NAA15: variants seen among roughly 807,000 people sequenced by gnomAD.
NAA15 encodes the protein N-alpha-acetyltransferase 15, NatA auxiliary subunit.
Under a neutral mutation model 114.0 loss-of-function variants are expected in NAA15, and 34 were observed. That is an observed-to-expected ratio of 0.30 (90% CI 0.23 to 0.40). NAA15 has a LOEUF of 0.40. NAA15 is among the 10% of genes least tolerant of loss of function. NAA15 has a pLI of 1.00. For synonymous variants in NAA15, 340 were observed against 338.0 expected, an observed-to-expected ratio of 1.01 and a Z score of -0.06; for missense variants, 658 against 1,004.5, an observed-to-expected ratio of 0.66 and a Z score of 4.66.
At chr4:139,320,650 C>T (rs1379230569) in intron 1 of NAA15, among the ~76,000 whole-genome samples, 2 of 152,078 alleles carry the variant, frequency 1.3e-5, no homozygotes, top group African/African-American at 2.4e-5. Flanking sequence ...CCTCCTGAGC[C>T]GCTGGGACTA....
At chr4:139,330,000 C>T (rs936597971) in intron 1 of NAA15, among the ~76,000 whole-genome samples, 2 of 152,318 alleles carry the variant, frequency 1.3e-5, no homozygotes, top group East Asian at 3.9e-4. Flanking sequence ...CTTGCGCCAC[C>T]TGTTAGCACC....
intron 15 of NAA15, among the ~76,000 whole-genome samples, chr4:139,376,075 C>T (rs1748572873): frequency 6.6e-6 from 1 of 152,150 alleles, no homozygotes; most frequent in African/African-American, 2.4e-5. Context: ...CCTTGGCTAT[C>T]TGACCTGTTT....
At chr4:139,357,186 G>C (rs1234872793) in intron 10 of NAA15, among the ~76,000 whole-genome samples, 200 bp from the exon 11 acceptor site, 8 of 152,302 alleles carry the variant, frequency 5.3e-5, no homozygotes, top group Non-Finnish European at 1.2e-4. Context: ...AAGGGATTGT[G>C]CTAGGGGTTA....
chr4:139,333,726 C>T (rs1747106600), intron 1 of NAA15, among the ~76,000 whole-genome samples: 1 of 151,880 alleles, frequency 6.6e-6, no homozygotes, highest in South Asian at 2.1e-4. Flanking sequence ...ATAGTGAGTC[C>T]CTGTCTCTAC....
In NAA15 at chr4:139,317,420, G is replaced by A. The variant is rs113240475; in HGVS notation, c.54+15589G>A. 2.7e-3 allele frequency among the ~76,000 whole-genome samples: 415 copies of A among 152,062 alleles called. 2 individuals carry two copies. The highest frequency in any genetic ancestry group is 9.5e-3 in the African/African-American group (393 of 41,454). On this transcript the variant is annotated intron_variant, in intron 1 of 19. Transcript: ENST00000296543. ...GGGTAGATCACGAGGTCAAGAGTTCGAGACCAGCCTGGCCAACATGGTGAA... is the reference window on the plus strand; with the variant it reads ...GGGTAGATCACGAGGTCAAGAGTTCAAGACCAGCCTGGCCAACATGGTGAA...
At chr4:139,382,462 A>G (rs1353827593) in intron 17 of NAA15, among the ~76,000 whole-genome samples, 1 of 151,962 alleles carries the variant, frequency 6.6e-6, no homozygotes, top group African/African-American at 2.4e-5. Flanking sequence ...CCCCTTGCCT[A>G]CCCCTCTCTT....
chr4:139,352,294 A>G (rs1380789396), intron 9 of NAA15, among the ~76,000 whole-genome samples: 2 of 152,034 alleles, frequency 1.3e-5, no homozygotes, highest in Admixed American at 6.6e-5. Flanking sequence ...TTTTTAATAG[A>G]GACAGGGTTT....
intron 1 of NAA15, among the ~76,000 whole-genome samples, chr4:139,333,384 C>A (rs1005812037): frequency 6.6e-6 from 1 of 151,870 alleles, no homozygotes; most frequent in Non-Finnish European, 1.5e-5. Context: ...GATTATAGAT[C>A]TTTTTTATGT....
At chr4:139,338,568 C>T (rs745859370) in intron 3 of NAA15, among the ~76,000 whole-genome samples, 6 of 152,116 alleles carry the variant, frequency 3.9e-5, no homozygotes, top group Non-Finnish European at 7.4e-5. Context: ...CTGCCTCAGC[C>T]TCCCAAGTAG....
intron 3 of NAA15, among the ~76,000 whole-genome samples, chr4:139,340,261 G>C (rs941518123): frequency 1.3e-5 from 2 of 152,162 alleles, no homozygotes; most frequent in Non-Finnish European, 2.9e-5. Context: ...AGTGGAGGTT[G>C]CAGTGAGCAA....
chr4:139,345,694 G>T (rs1396999199), intron 6 of NAA15, among the ~76,000 whole-genome samples: 1 of 152,190 alleles, frequency 6.6e-6, no homozygotes, highest in Non-Finnish European at 1.5e-5. Flanking sequence ...GCCGAGGCAG[G>T]TGGATCACGA....
intron 1 of NAA15, among the ~76,000 whole-genome samples, chr4:139,308,908 C>T (rs1325211550): frequency 1.3e-5 from 2 of 152,084 alleles, no homozygotes; most frequent in African/African-American, 4.8e-5. Context: ...TGAGCCACCG[C>T]ACCCTGCCGG....
chr4:139,368,681 C>T (rs1290631630), intron 14 of NAA15, among the ~76,000 whole-genome samples: 1 of 152,086 alleles, frequency 6.6e-6, no homozygotes, highest in East Asian at 1.9e-4. Context: ...TTACTCCTTA[C>T]ACATGAGTCA....
chr4:139,327,759 G>A (rs746720073), intron 1 of NAA15, among the ~76,000 whole-genome samples: 1 of 151,808 alleles, frequency 6.6e-6, no homozygotes, highest in Non-Finnish European at 1.5e-5. Context: ...TCTGCCTCCC[G>A]GATTTAAGCG....
chr4:139,302,086 C>T, intron 1 of NAA15: 1 of 398,554 alleles, frequency 2.5e-6, no homozygotes, highest in Non-Finnish European at 4.5e-6. Flanking sequence ...GACCTCCCGG[C>T]TTCTAGACTG....
intron 6 of NAA15, among the ~76,000 whole-genome samples, chr4:139,347,888 CG>C (rs1747639255): frequency 1.3e-5 from 2 of 151,110 alleles, no homozygotes; most frequent in South Asian, 4.2e-4. Flanking sequence ...AAAAATTAGC[CG>C]GGCGCGGTGG....
Position 139,301,674 on chromosome 4 carries a change from G to C in NAA15, c.-104G>C, listed in dbSNP as rs1745750362. 7 of 1,337,672 alleles carry C rather than the reference G, an allele frequency of 5.2e-6. No homozygotes were observed. Among genetic ancestry groups the C allele is most frequent in the Admixed American group, 4.5e-5 (2 of 44,750 alleles). The allele number at this position is 1,337,672 out of a possible 1,614,324, so 82.9% of individuals were successfully genotyped here. On this transcript the variant is annotated 5_prime_UTR_variant, in exon 1 of 20. Transcript: ENST00000296543. ...CGAGGCCTGGTGGTGGCGGCGGATC[G>C]AGATATTCAAGGCTGAAGCAGCTAC... is the stretch of plus-strand genomic sequence containing the variant.
At position 139,367,600 on chromosome 4, in the gene NAA15, G is replaced by A. The variant is rs1014794229; in HGVS notation, c.1754-2611G>A. 3.9e-5 allele frequency among the ~76,000 whole-genome samples: 6 copies of A among 152,154 alleles called. No homozygotes were observed. In the South Asian group the frequency reaches 1.0e-3, roughly 26 times the overall value. ...AGTTTTATTGTTTGAGAGAATCTGT[G>A]AGTCATACTCTTAAATTTTTTAGAG... On this transcript the variant is annotated intron_variant, in intron 14 of 19. Transcript: ENST00000296543.
In NAA15 at chr4:139,357,372, C is replaced by A. The variant is rs772647344; in HGVS notation, c.1088-14C>A. 1.2e-6 allele frequency: 2 copies of A among 1,612,864 alleles called. No homozygotes were observed. Among genetic ancestry groups the A allele is most frequent in the East Asian group, 4.5e-5 (2 of 44,792 alleles). On this transcript the variant is annotated splice_polypyrimidine_tract_variant and intron_variant, in intron 10 of 19. Transcript: ENST00000296543. ...TAATGCCTCATCTTGGTTTCTTCTCCCTCTTCTCCTAAGATGATGGAAAGG... is the reference window on the plus strand; with the variant it reads ...TAATGCCTCATCTTGGTTTCTTCTCACTCTTCTCCTAAGATGATGGAAAGG...
Sources: gnomAD v4.1 joint callset for allele counts (sites outside exome capture counted in the v4.1 genomes callset) on GRCh38, gnomAD v4.1.1 for gene constraint, MANE v1.5 for transcripts, NCBI Gene and HGNC (gene_info 2026-07-23, HGNC 2026-07-21) for gene names.